Variants in FRMD6 observed in about 807,000 individuals in gnomAD.
FRMD6 encodes the protein FERM domain containing 6.
A neutral mutation model predicts 73.2 loss-of-function variants in FRMD6; 37 were observed. The observed-to-expected ratio is 0.51, with a 90% CI of 0.39 to 0.66. The LOEUF (loss-of-function observed/expected upper bound fraction) is 0.66. Ranked by LOEUF, FRMD6 falls within the 30% of genes least tolerant of loss-of-function variation. The probability of loss-of-function intolerance (pLI) is 0.00; values close to 1 mark genes in which losing one functional copy is unlikely to be tolerated. For missense variants in FRMD6, 714 were observed against 780.5 expected (o/e 0.91, Z 1.02); for synonymous variants, 273 against 282.2 (o/e 0.97, Z 0.33).
the FRMD6 span, among the ~76,000 whole-genome samples, chr14:51,410,681 A>G: frequency 6.6e-6 from 1 of 152,188 alleles, no homozygotes; most frequent in Non-Finnish European, 1.5e-5. Flanking sequence ...TCTACCACCC[A>G]AAGAAAACCA....
At chr14:51,634,356 GCA>G (rs1891461209) in intron 2 of FRMD6, among the ~76,000 whole-genome samples, 1 of 152,184 alleles carries the variant, frequency 6.6e-6, no homozygotes, top group African/African-American at 2.4e-5. Flanking sequence ...CTTGTACCTA[GCA>G]CAGTGTCTAA....
intron 7 of FRMD6, among the ~76,000 whole-genome samples, chr14:51,709,254 G>A (rs890327431): frequency 6.6e-6 from 1 of 152,084 alleles, no homozygotes; most frequent in African/African-American, 2.4e-5. Flanking sequence ...TTACTTAACC[G>A]CTCTGTACTT....
chr14:51,681,615 A>G (rs1034155425), intron 1 of FRMD6, among the ~76,000 whole-genome samples: 3 of 152,176 alleles, frequency 2.0e-5, no homozygotes, highest in African/African-American at 7.2e-5. Flanking sequence ...TATGCTGCCT[A>G]CTGCCATACA....
chr14:51,422,518 A>G, the FRMD6 span, among the ~76,000 whole-genome samples: 3 of 152,232 alleles, frequency 2.0e-5, no homozygotes, highest in Non-Finnish European at 4.4e-5. Flanking sequence ...TATGAAGGAA[A>G]TTAACAGGGT....
chr14:51,446,634 T>TA, the FRMD6 span, among the ~76,000 whole-genome samples: 2 of 152,230 alleles, frequency 1.3e-5, no homozygotes, highest in South Asian at 4.1e-4. Flanking sequence ...ATGTAGCCAC[T>TA]AGTACTCCAG....
At chr14:51,690,334 T>C (rs115933592) in intron 2 of FRMD6, among the ~76,000 whole-genome samples, 1,858 of 152,284 alleles carry the variant, frequency 0.012, 49 homozygotes, top group African/African-American at 0.042. Context: ...CCATTGAAAG[T>C]AGTATCAAAG....
At chr14:51,563,656 C>T (rs754875487) in intron 1 of FRMD6, among the ~76,000 whole-genome samples, 5 of 151,886 alleles carry the variant, frequency 3.3e-5, no homozygotes, top group East Asian at 1.9e-4. Context: ...GGCAATAGAG[C>T]GAGATTCAGT....
In FRMD6 at chr14:51,679,632, A is replaced by T. The variant is rs375531569; in HGVS notation, c.-146-10059A>T. Reference sequence around the variant, plus strand: ...ATAAGTGCCTGAAAATAATACTAATATTACTTAAGTGAAAGATCTTTTAAT... The same window carrying T: ...ATAAGTGCCTGAAAATAATACTAATTTTACTTAAGTGAAAGATCTTTTAAT... On this transcript the variant is annotated intron_variant, in intron 1 of 13. Coordinates refer to ENST00000344768, the MANE Select transcript of FRMD6 (RefSeq NM_001267046.2). Among the ~76,000 whole-genome samples the T allele has an allele frequency of 5.2e-4, 77 of 148,136 alleles. No individual in the cohort carries two copies. The East Asian group carries it at 7.5e-3, about 14-fold the overall frequency.
chr14:51,571,099 G>A lies in FRMD6; in HGVS notation c.-147+689G>A, dbSNP rs150881593. On this transcript the variant is annotated intron_variant, in intron 2 of 14. Transcript: ENST00000356218. ...ATAATTAACATCCACAGCATGGCTGGGCATGGTGGCTCATGACTAACCCCA... is the reference window on the plus strand; with the variant it reads ...ATAATTAACATCCACAGCATGGCTGAGCATGGTGGCTCATGACTAACCCCA... Among the ~76,000 whole-genome samples, 27 of 152,284 alleles carry A rather than the reference G, an allele frequency of 1.8e-4. No individual in the cohort carries two copies. In the East Asian group the frequency reaches 4.1e-3, roughly 23 times the overall value.
intron 1 of FRMD6, among the ~76,000 whole-genome samples, chr14:51,567,532 A>G (rs1049501002): frequency 2.0e-5 from 3 of 152,186 alleles, no homozygotes; most frequent in Non-Finnish European, 4.4e-5. Flanking sequence ...TAGAGACAGT[A>G]TCTTGCTATG....
At chr14:51,557,985 G>C (rs1016108314) in intron 1 of FRMD6, among the ~76,000 whole-genome samples, 5 of 150,924 alleles carry the variant, frequency 3.3e-5, no homozygotes. Flanking sequence ...AAAGACAATT[G>C]GTAAGGAAAG....
At chr14:51,490,617 T>C (rs1417099646) in intron 1 of FRMD6, among the ~76,000 whole-genome samples, 1 of 28,074 alleles carries the variant, frequency 3.6e-5, no homozygotes, top group Non-Finnish European at 7.0e-5. Context: ...GTGTGTATTT[T>C]GTGTGTGTGT....
the FRMD6 span, among the ~76,000 whole-genome samples, chr14:51,430,066 A>G: frequency 1.3e-5 from 2 of 152,166 alleles, no homozygotes; most frequent in African/African-American, 2.4e-5. Context: ...TGAATTCAAC[A>G]TGCATTCTTT....
At chr14:51,431,200 T>C in the FRMD6 span, among the ~76,000 whole-genome samples, 1 of 152,196 alleles carries the variant, frequency 6.6e-6, no homozygotes, top group South Asian at 2.1e-4. Context: ...GTTTTTCTTA[T>C]TAATGGTTAA....
At chr14:51,433,233 A>G in the FRMD6 span, among the ~76,000 whole-genome samples, 2 of 152,348 alleles carry the variant, frequency 1.3e-5, no homozygotes, top group South Asian at 4.1e-4. Flanking sequence ...CAGTACATAT[A>G]TACAAGATTG....
the FRMD6 span, among the ~76,000 whole-genome samples, chr14:51,398,270 G>A: frequency 6.6e-6 from 1 of 152,120 alleles, no homozygotes; most frequent in Non-Finnish European, 1.5e-5. Flanking sequence ...GGGCCGTTCT[G>A]AGAATCACTG....
chr14:51,708,260 C>T, intron 7 of FRMD6, 27 bp downstream of exon 7: 1 of 1,600,208 alleles, frequency 6.2e-7, no homozygotes, highest in African/African-American at 1.3e-5. Flanking sequence ...AAGTCTTCAG[C>T]TTCTGAGAAA....
chr14:51,529,957 G>C (rs139296474), intron 1 of FRMD6, among the ~76,000 whole-genome samples: 1 of 152,302 alleles, frequency 6.6e-6, no homozygotes, highest in African/African-American at 2.4e-5. Context: ...AGATGCCCTT[G>C]GTGGCCATCT....
chr14:51,468,161 C>G, the FRMD6 span, among the ~76,000 whole-genome samples: 1 of 151,992 alleles, frequency 6.6e-6, no homozygotes, highest in African/African-American at 2.4e-5. Flanking sequence ...CATGGCGGCG[C>G]GCGCCTGCAA....
Sources: allele counts gnomAD v4.1 joint callset (sites outside exome capture counted in the v4.1 genomes callset), GRCh38; gene constraint gnomAD v4.1.1; transcripts MANE v1.5; gene names NCBI Gene and HGNC (gene_info 2026-07-23, HGNC 2026-07-21).